Variants in NLRP5 observed in about 807,000 individuals in gnomAD.
NLRP5 encodes the protein NLR family pyrin domain containing 5, also known as NACHT, LRR and PYD domains-containing protein 5.
NLRP5 carries 93 observed loss-of-function variants against 113.1 expected under a neutral mutation model. The ratio of observed to expected loss-of-function variants is 0.82; its 90% confidence interval spans 0.70 to 0.98. The LOEUF (loss-of-function observed/expected upper bound fraction) is 0.98. NLRP5 is among the 50% of genes least tolerant of loss of function. The pLI, the probability that NLRP5 is intolerant of heterozygous loss-of-function variation, is 0.00. For missense variants in NLRP5, 1,808 were observed against 1,514.3 expected (o/e 1.19, Z -3.22); for synonymous variants, 751 against 600.7 (o/e 1.25, Z -3.66).
chr19:56,041,154 C>T lies in NLRP5; in HGVS notation c.2957+62C>T, dbSNP rs1983508754. The T allele has an allele frequency of 2.6e-6, 4 of 1,548,378 alleles. No individual in the cohort carries two copies. The African/African-American group carries it at 4.1e-5, about 16-fold the overall frequency. Reference sequence around the variant, plus strand: ...CTTTCTAACATAGCATGGTGTAGCTCTCAAAGCAGAAGGCAGTGGGGAGGG... The same window carrying T: ...CTTTCTAACATAGCATGGTGTAGCTTTCAAAGCAGAAGGCAGTGGGGAGGG... On this transcript the variant is annotated intron_variant, in intron 11 of 14. Transcript: ENST00000390649.
At chr19:56,001,409 C>G (rs1288022883) in intron 1 of NLRP5, among the ~76,000 whole-genome samples, 1 of 151,794 alleles carries the variant, frequency 6.6e-6, no homozygotes, top group African/African-American at 2.4e-5. Flanking sequence ...TCTCCCACCT[C>G]TACCCTCCTT....
At chr19:56,055,068 C>T (rs1428860589) in intron 13 of NLRP5, among the ~76,000 whole-genome samples, 1 of 139,542 alleles carries the variant, frequency 7.2e-6, no homozygotes, top group Non-Finnish European at 1.5e-5. Flanking sequence ...GGCACAATCT[C>T]GGCTCCCTGG....
intron 11 of NLRP5, among the ~76,000 whole-genome samples, chr19:56,047,790 T>C (rs1983782478): frequency 6.6e-6 from 1 of 152,190 alleles, no homozygotes. Flanking sequence ...ACTTTCTGTC[T>C]TCATGACCTG....
chr19:55,998,956 A>G (rs889093684), upstream of NLRP5, among the ~76,000 whole-genome samples: 16 of 151,552 alleles, frequency 1.1e-4, no homozygotes, highest in African/African-American at 3.9e-4. Flanking sequence ...TTTGGAGCAT[A>G]TATTAATACA....
At chr19:56,033,249 T>A (rs1475332824) in intron 8 of NLRP5, among the ~76,000 whole-genome samples, 4 of 151,814 alleles carry the variant, frequency 2.6e-5, no homozygotes, top group Admixed American at 1.3e-4. Flanking sequence ...AGACTCCATC[T>A]TAAACAAAAA....
intron 1 of NLRP5, among the ~76,000 whole-genome samples, chr19:56,001,800 C>T (rs912931273): frequency 3.3e-5 from 5 of 152,096 alleles, no homozygotes; most frequent in African/African-American, 4.8e-5. Flanking sequence ...ACACCAATAC[C>T]GCCCCTCAGA....
rs185378078 is a variant in NLRP5, at chr19:56,013,041, C to T, written c.509-2701C>T. On this transcript the variant is annotated intron_variant, in intron 3 of 14. Transcript: ENST00000390649. ...TTCATCACCCCAGAAAACCACATACCTATTAGCCATCACTCCCCATACCCA... is the reference window on the plus strand; with the variant it reads ...TTCATCACCCCAGAAAACCACATACTTATTAGCCATCACTCCCCATACCCA... Among the ~76,000 whole-genome samples, 22 of 152,206 alleles carry T rather than the reference C, an allele frequency of 1.4e-4. No individual in the cohort carries two copies. The East Asian group carries it at 4.0e-3, about 28-fold the overall frequency.
intron 13 of NLRP5, among the ~76,000 whole-genome samples, chr19:56,054,839 A>G (rs750103833): frequency 5.3e-5 from 8 of 152,168 alleles, no homozygotes; most frequent in Admixed American, 2.6e-4. Flanking sequence ...GCTGCAGCGC[A>G]CTGTGAACTA....
At chr19:55,999,598 C>A (rs887057541), upstream of NLRP5, 12 of 735,478 alleles carry the variant, frequency 1.6e-5, no homozygotes, top group Non-Finnish European at 2.4e-5. Context: ...GCCAGCCCTT[C>A]CGACCGGCTC....
chr19:56,042,007 GC>G (rs1160383293), intron 11 of NLRP5, among the ~76,000 whole-genome samples: 1 of 152,002 alleles, frequency 6.6e-6, no homozygotes, highest in Middle Eastern at 3.2e-3. Flanking sequence ...AACAAACACG[GC>G]ACTAAATACC....
intron 2 of NLRP5, among the ~76,000 whole-genome samples, chr19:56,006,896 C>A (rs1038901782): frequency 5.9e-5 from 9 of 151,536 alleles, no homozygotes; most frequent in Admixed American, 3.9e-4. Context: ...CCCGCCAGCA[C>A]TCCTGGCTAA....
chr19:56,024,448 T>G (rs989026221), intron 6 of NLRP5, among the ~76,000 whole-genome samples: 3 of 147,048 alleles, frequency 2.0e-5, no homozygotes, highest in African/African-American at 7.5e-5. Context: ...CATATATTTA[T>G]ATATACGTAC....
chr19:55,988,229 T>TAAAA, the NLRP5 span: 42 of 151,188 alleles, frequency 2.8e-4, no homozygotes, highest in South Asian at 1.2e-3. Flanking sequence ...CCGCCTCTAC[T>TAAAA]AAAAAAAAAA....
chr19:56,034,592 C>G (rs1323413839), intron 9 of NLRP5, among the ~76,000 whole-genome samples: 2 of 152,244 alleles, frequency 1.3e-5, no homozygotes, highest in Non-Finnish European at 2.9e-5. Flanking sequence ...CATTCCTAAT[C>G]CTCAGGAGCC....
chr19:56,007,092 G>A (rs1244868904), intron 2 of NLRP5, among the ~76,000 whole-genome samples: 5 of 151,414 alleles, frequency 3.3e-5, no homozygotes, highest in South Asian at 2.1e-4. Flanking sequence ...GCTGGGCACC[G>A]TGGCTCACGC....
chr19:56,015,866 G>A, intron 4 of NLRP5, 68 bp downstream of exon 4: 2 of 1,226,410 alleles, frequency 1.6e-6, no homozygotes, highest in Non-Finnish European at 2.3e-6. Flanking sequence ...AGTTCATGTA[G>A]TTCAAAGGAC....
chr19:56,044,656 T>C (rs1307713103), intron 11 of NLRP5, among the ~76,000 whole-genome samples: 1 of 152,172 alleles, frequency 6.6e-6, no homozygotes, highest in South Asian at 2.1e-4. Context: ...TGCCTCCAGA[T>C]TTGTTCTTTT....
At chr19:56,030,351 CAG>C (rs1362215495) in intron 7 of NLRP5, among the ~76,000 whole-genome samples, 1 of 151,862 alleles carries the variant, frequency 6.6e-6, no homozygotes, top group Non-Finnish European at 1.5e-5. Flanking sequence ...ACCTGGGTGA[CAG>C]AGTGAGACTC....
chr19:56,027,039 C>A lies in NLRP5; in HGVS notation c.806C>A (p.Ala269Asp). ...CCGGAAATGCAAACGTTGGCTGGTG[C>A]TTTTGATTCAGACCGGTGGGGCTTC... Residue 269 changes from alanine (A) to aspartate (D), a missense_variant, in exon 7 of 15, where the codon GCT becomes GAT. Ala to Asp is a moderately radical substitution (Grantham distance 126). Coordinates refer to ENST00000390649, the MANE Select transcript of NLRP5 (RefSeq NM_153447.4). 6.4e-7 allele frequency: 1 copy of A among 1,552,932 alleles called. No individual in the cohort carries two copies. The highest frequency in any genetic ancestry group is 8.7e-7 in the Non-Finnish European group (1 of 1,147,756).
Sources: gnomAD v4.1 joint callset for allele counts (sites outside exome capture counted in the v4.1 genomes callset) on GRCh38, gnomAD v4.1.1 for gene constraint, MANE v1.5 for transcripts, NCBI Gene and HGNC (gene_info 2026-07-23, HGNC 2026-07-21) for gene names.